Variants in RUFY2 observed in about 807,000 individuals in gnomAD.
RUFY2 encodes the protein RUN and FYVE domain-containing protein 2.
A neutral mutation model predicts 94.4 loss-of-function variants in RUFY2; 49 were observed. That is an observed-to-expected ratio of 0.52 (90% CI 0.41 to 0.66). RUFY2 has a LOEUF of 0.66. Ranked by LOEUF, RUFY2 falls within the 30% of genes least tolerant of loss-of-function variation. RUFY2 has a pLI of 0.00. For synonymous variants in RUFY2, 255 were observed against 235.7 expected (o/e 1.08, Z -0.75); for missense variants, 541 against 692.8 (o/e 0.78, Z 2.46).
At chr10:68,405,396 T>TG in intron 1 of RUFY2, 2 of 858,302 alleles carry the variant, frequency 2.3e-6, no homozygotes, top group Non-Finnish European at 2.8e-6. Flanking sequence ...TGAATTATTC[T>TG]CAAGATCCTG....
chr10:68,407,222 C>A lies in RUFY2; in HGVS notation c.-33G>T. ...GCGGCTGCGCGGTCTCGGGCGGAGG[C>A]TCCCTCGGCCTGTCCAGCAGCTCCT... On this transcript the variant is annotated 5_prime_UTR_variant, in exon 1 of 18. Coordinates refer to ENST00000602465, the MANE Select transcript of RUFY2 (RefSeq NM_001330103.2). 1 of 1,381,036 alleles carries A rather than the reference C, an allele frequency of 7.2e-7. No individual in the cohort carries two copies. Among genetic ancestry groups the A allele is most frequent in the Non-Finnish European group, 9.3e-7 (1 of 1,077,320 alleles). 85.5% of individuals were successfully genotyped at this position (1,381,036 alleles called of 1,614,324 possible). A position where few individuals can be genotyped will look rare whatever the true frequency, so the allele number is the denominator to read the frequency against.
chr10:68,383,906 T>C lies in RUFY2; in HGVS notation c.831A>G (p.Lys277=). The C allele has an allele frequency of 6.2e-7, 1 of 1,613,196 alleles. No homozygotes were observed. Among genetic ancestry groups the C allele is most frequent in the Non-Finnish European group, 8.5e-7 (1 of 1,179,502 alleles). Residue 277 remains lysine, a synonymous_variant, in exon 10 of 18, where the codon AAA becomes AAG. Transcript: ENST00000602465. ...TTTGAAGCTCAGTTTCCACATCTAC[T>C]TTGGTAACCTAGGAAGAAAACAAAA... ...MKTQQHLEVT[K]VDVETELQTY...
At chr10:68,365,360 T>C (rs1413282303) in intron 13 of RUFY2, among the ~76,000 whole-genome samples, 1 of 152,208 alleles carries the variant, frequency 6.6e-6, no homozygotes, top group Non-Finnish European at 1.5e-5. Context: ...TCTCCATGTC[T>C]GTGTGAGTCT....
intron 1 of RUFY2, among the ~76,000 whole-genome samples, chr10:68,405,085 C>T (rs562076508): frequency 2.6e-5 from 4 of 151,988 alleles, no homozygotes; most frequent in African/African-American, 7.2e-5. Flanking sequence ...GAGGCCAAGG[C>T]GGGTGGATCA....
In RUFY2 at chr10:68,345,856, AGTTC is replaced by A; in HGVS notation, c.1729_1732del (p.Glu577TyrfsTer39). 6.2e-7 allele frequency: 1 copy of A among 1,614,172 alleles called. No homozygotes were observed. Among genetic ancestry groups the A allele is most frequent in the Non-Finnish European group, 8.5e-7 (1 of 1,179,978 alleles). On this transcript the variant is annotated frameshift_variant, in exon 18 of 18. Coordinates refer to ENST00000602465, the MANE Select transcript of RUFY2 (RefSeq NM_001330103.2). LOFTEE classifies it high-confidence loss of function. ...TGGTTTTGGTGAAGAAGGCAAAGGTAGTTCGTTGTCAGAGCAGGCATTACAGAAA... is the reference window on the plus strand; with the variant it reads ...TGGTTTTGGTGAAGAAGGCAAAGGTAGTTGTCAGAGCAGGCATTACAGAAA...
intron 2 of RUFY2, among the ~76,000 whole-genome samples, chr10:68,402,195 G>A (rs143022322): frequency 0.029 from 4,451 of 151,748 alleles, 215 homozygotes; most frequent in African/African-American, 0.1. Flanking sequence ...CTGGCCTCAA[G>A]CGTTCCTCCT....
chr10:68,407,231 C>A lies in RUFY2; in HGVS notation c.-42G>T. 7.3e-7 allele frequency: 1 copy of A among 1,373,850 alleles called. No homozygotes were observed. Among genetic ancestry groups the A allele is most frequent in the African/African-American group, 1.5e-5 (1 of 65,064 alleles). 85.1% of individuals were successfully genotyped at this position (1,373,850 alleles called of 1,614,324 possible). A position where few individuals can be genotyped will look rare whatever the true frequency, so the allele number is the denominator to read the frequency against. ...CGGTCTCGGGCGGAGGCTCCCTCGG[C>A]CTGTCCAGCAGCTCCTTCCAGGCGC... On this transcript the variant is annotated 5_prime_UTR_variant, in exon 1 of 18. Transcript: ENST00000602465.
At chr10:68,392,174 G>A (rs145370566) in intron 7 of RUFY2, among the ~76,000 whole-genome samples, 78 of 151,832 alleles carry the variant, frequency 5.1e-4, no homozygotes, top group Non-Finnish European at 8.5e-4. Context: ...TGGGATTACA[G>A]GTGACCGCCA....
At chr10:68,350,711 T>C (rs922776177) in intron 16 of RUFY2, among the ~76,000 whole-genome samples, 1 of 150,084 alleles carries the variant, frequency 6.7e-6, no homozygotes, top group Non-Finnish European at 1.5e-5. Flanking sequence ...AGTGTTTTTT[T>C]GTTTTTGGTT....
chr10:68,346,326 C>T (rs1486340336), intron 16 of RUFY2: 3 of 391,404 alleles, frequency 7.7e-6, no homozygotes, highest in African/African-American at 2.1e-5. Flanking sequence ...GACAATGGCT[C>T]ACACCGGTAA....
At chr10:68,398,468 A>G (rs1334847025) in intron 3 of RUFY2, among the ~76,000 whole-genome samples, 1 of 152,160 alleles carries the variant, frequency 6.6e-6, no homozygotes, top group African/African-American at 2.4e-5. Flanking sequence ...CCTGGCCAAC[A>G]TGGTGAAACC....
intron 7 of RUFY2, among the ~76,000 whole-genome samples, chr10:68,390,809 G>A (rs574616196): frequency 3.3e-5 from 5 of 151,300 alleles, no homozygotes; most frequent in Non-Finnish European, 7.4e-5. Flanking sequence ...CTGTGTCACC[G>A]AGGCTGGAAT....
rs961210564 is a variant in RUFY2 at position 68,343,673 on chromosome 10, A to T, written c.*2095T>A. 3 of 152,524 alleles carry T rather than the reference A, an allele frequency of 2.0e-5. No individual in the cohort carries two copies. The highest frequency in any genetic ancestry group is 6.6e-5 in the Admixed American group (1 of 15,254). The allele number at this position is 152,524 out of a possible 1,614,324, so 9.4% of individuals were successfully genotyped here. A position where few individuals can be genotyped will look rare whatever the true frequency, so the allele number is the denominator to read the frequency against. ...GAATGGTATGTTAAGTCTGTTTTTGAAAAGTAAAATGAATACGAGTTCACA... is the reference window on the plus strand; with the variant it reads ...GAATGGTATGTTAAGTCTGTTTTTGTAAAGTAAAATGAATACGAGTTCACA... On this transcript the variant is annotated 3_prime_UTR_variant, in exon 18 of 18. Transcript: ENST00000602465.
At chr10:68,365,293 A>G in intron 13 of RUFY2, among the ~76,000 whole-genome samples, 1 of 152,202 alleles carries the variant, frequency 6.6e-6, no homozygotes, top group Non-Finnish European at 1.5e-5. Context: ...TACAATGCTG[A>G]CAAGAAAAAA....
chr10:68,363,591 C>T lies in RUFY2; in HGVS notation c.1549G>A (p.Glu517Lys), dbSNP rs778178232. The change falls in exon 15 of 18, where the codon GAA (glutamate) becomes AAA (lysine). Residue 517 changes from glutamate (E) to lysine (K), a missense_variant and splice_region_variant. Physicochemically the swap from Glu to Lys is moderately conservative, Grantham distance 56 (BLOSUM62 1). This residue lies in a region of RUFY2 where 403 missense variants were observed against 480.7 expected (regional missense o/e 0.84). Coordinates refer to ENST00000602465, the MANE Select transcript of RUFY2 (RefSeq NM_001330103.2). ...ALQELGNKLS[E>K]SKLKIEDIKE... Reference sequence around the variant, plus strand: ...TAGTTGAAGGAAAAAAGAAATTACTCGCTAAGCTTGTTGCCGAGTTCTTGA... The same window carrying T: ...TAGTTGAAGGAAAAAAGAAATTACTTGCTAAGCTTGTTGCCGAGTTCTTGA... 5.0e-6 allele frequency: 8 copies of T among 1,584,642 alleles called. No homozygotes were observed. The highest frequency in any genetic ancestry group is 2.7e-5 in the African/African-American group (2 of 73,288).
At chr10:68,382,288 C>T (rs1371349224) in intron 10 of RUFY2, among the ~76,000 whole-genome samples, 1 of 150,940 alleles carries the variant, frequency 6.6e-6, no homozygotes, top group Admixed American at 6.6e-5. Context: ...GATCTCCTGA[C>T]CTTGTGATCC....
downstream of RUFY2, chr10:68,341,321 C>T (rs756513218): frequency 2.5e-6 from 4 of 1,592,322 alleles, no homozygotes; most frequent in African/African-American, 5.5e-5. Context: ...TAAGTGGTGT[C>T]TTTGGCACAC....
rs141711159 is a variant in RUFY2 at position 68,345,153 on chromosome 10, C to A, written c.*615G>T. The A allele has an allele frequency of 1.1e-3, 176 of 153,880 alleles. No individual in the cohort carries two copies. The highest frequency in any genetic ancestry group is 3.9e-3 in the African/African-American group (164 of 41,602). The allele number at this position is 153,880 out of a possible 1,614,324, so 9.5% of individuals were successfully genotyped here. A position where few individuals can be genotyped will look rare whatever the true frequency, so the allele number is the denominator to read the frequency against. ...AGAGGCCGAGGCCAAATAATGCCCC[C>A]TTTAATTTAATCCACTGTAGCTGAA... On this transcript the variant is annotated 3_prime_UTR_variant, in exon 18 of 18. Transcript: ENST00000602465.
rs545452006 is a variant in RUFY2, at chr10:68,379,240, G to A, written c.1205+184C>T. The A allele has an allele frequency of 3.0e-4, 155 of 510,900 alleles. 2 individuals are homozygous for A. In the East Asian group the frequency reaches 5.2e-3, roughly 17 times the overall value. The allele number at this position is 510,900 out of a possible 1,614,324, so 31.6% of individuals were successfully genotyped here. A position where few individuals can be genotyped will look rare whatever the true frequency, so the allele number is the denominator to read the frequency against. On this transcript the variant is annotated intron_variant, in intron 12 of 17. Transcript: ENST00000602465. ...ATATGACAACTTCAAATGAATCAGCGTAATATAAAGCAACTTGATTCCATG... is the reference window on the plus strand; with the variant it reads ...ATATGACAACTTCAAATGAATCAGCATAATATAAAGCAACTTGATTCCATG...
Sources: gnomAD v4.1 joint callset for allele counts (sites outside exome capture counted in the v4.1 genomes callset) on GRCh38, gnomAD v4.1.1 for gene constraint, gnomAD v4.1.1 regional missense constraint, MANE v1.5 for transcripts, NCBI Gene and HGNC (gene_info 2026-07-23, HGNC 2026-07-21) for gene names.